The following ZNF599 variants were observed in gnomAD, a reference collection of about 807,000 sequenced individuals.
ZNF599 encodes zinc finger protein 599.
ZNF599 carries 10 observed loss-of-function variants against 11.7 expected under a neutral mutation model. The ratio of observed to expected loss-of-function variants is 0.86; its 90% confidence interval spans 0.53 to 1.45. The LOEUF is 1.45. Ranked by LOEUF, ZNF599 falls within the 40% of genes most tolerant of loss-of-function variation. ZNF599 has a pLI of 0.00. For synonymous variants in ZNF599, 232 were observed against 253.2 expected (o/e 0.92, Z 0.79); for missense variants, 688 against 713.6 (o/e 0.96, Z 0.41).
In ZNF599 at chr19:34,759,476, A is replaced by G. The variant is rs1376132493; in HGVS notation, c.1325T>C (p.Met442Thr). The G allele has an allele frequency of 2.5e-6, 4 of 1,613,960 alleles. No homozygotes were observed. The highest frequency in any genetic ancestry group is 2.2e-5 in the East Asian group (1 of 44,892). The change falls in exon 4 of 4, where the codon ATG (methionine) becomes ACG (threonine). Residue 442 changes from methionine to threonine, a missense_variant. Physicochemically the swap from Met to Thr is moderately conservative, Grantham distance 81. Coordinates refer to ENST00000329285, the MANE Select transcript of ZNF599 (RefSeq NM_001007248.3). ...FCDSSSLIQH[M>T]RIHTGEKPYE... ...AGGCTTCTCACCAGTGTGAATCCTC[A>G]TATGTTGAATTAAGGAAGAGCTGTC... is the stretch of plus-strand genomic sequence containing the variant.
chr19:34,789,069 C>A, the ZNF599 span, among the ~76,000 whole-genome samples: 1 of 152,098 alleles, frequency 6.6e-6, no homozygotes, highest in Non-Finnish European at 1.5e-5. Context: ...ATTTTGTATC[C>A]TTTGAGCAAC....
intron 2 of ZNF599, among the ~76,000 whole-genome samples, chr19:34,767,987 A>G (rs1264685543): frequency 6.6e-6 from 1 of 152,200 alleles, no homozygotes; most frequent in East Asian, 1.9e-4. Context: ...CTTCTTCCAC[A>G]TGCAGCCACA....
chr19:34,780,899 GTAA>G, the ZNF599 span, among the ~76,000 whole-genome samples: 3 of 152,176 alleles, frequency 2.0e-5, no homozygotes, highest in Admixed American at 6.5e-5. Context: ...GTTCATGCCT[GTAA>G]TCCCAGCACT....
At chr19:34,776,040 T>C (rs2069215942), upstream of ZNF599, among the ~76,000 whole-genome samples, 1 of 152,222 alleles carries the variant, frequency 6.6e-6, no homozygotes. Flanking sequence ...AGATGAAATA[T>C]ATATTTGAAA....
chr19:34,790,787 GT>G, the ZNF599 span, among the ~76,000 whole-genome samples: 2 of 151,938 alleles, frequency 1.3e-5, no homozygotes, highest in African/African-American at 4.8e-5. Flanking sequence ...TATATATGAG[GT>G]GATAGATTTA....
the ZNF599 span, among the ~76,000 whole-genome samples, chr19:34,787,749 C>T: frequency 4.6e-5 from 7 of 152,310 alleles, no homozygotes; most frequent in East Asian, 1.4e-3. Flanking sequence ...ACTTCAACAG[C>T]CCATTACTTG....
intron 3 of ZNF599, 135 bp downstream of exon 3, chr19:34,767,181 C>T (rs557881599): frequency 3.9e-5 from 25 of 632,936 alleles, no homozygotes; most frequent in East Asian, 3.6e-4. Flanking sequence ...AGTGGGAAGA[C>T]GGGGGACCAT....
intron 3 of ZNF599, among the ~76,000 whole-genome samples, chr19:34,761,597 A>G (rs2069114255): frequency 6.6e-6 from 1 of 152,224 alleles, no homozygotes; most frequent in Non-Finnish European, 1.5e-5. Context: ...CAAACGGTGA[A>G]AGGGAAAAAT....
At chr19:34,786,732 A>G in the ZNF599 span, among the ~76,000 whole-genome samples, 1 of 152,136 alleles carries the variant, frequency 6.6e-6, no homozygotes, top group Non-Finnish European at 1.5e-5. Flanking sequence ...TTCCTCCTAA[A>G]GGAGCCACAT....
the ZNF599 span, among the ~76,000 whole-genome samples, chr19:34,779,243 CTTTTTTTTTT>C: frequency 3.5e-5 from 2 of 57,318 alleles, no homozygotes; most frequent in African/African-American, 1.4e-4. Flanking sequence ...CCATGCCCAG[CTTTTTTTTTT>C]TTTTTTTTTT....
At chr19:34,762,870 T>C (rs545501358) in intron 3 of ZNF599, 3 of 152,370 alleles carry the variant, frequency 2.0e-5, no homozygotes, top group African/African-American at 7.2e-5. Flanking sequence ...GTAGATATGT[T>C]AAATATATTT....
chr19:34,776,774 T>C (rs1259352260), upstream of ZNF599, among the ~76,000 whole-genome samples: 1 of 152,202 alleles, frequency 6.6e-6, no homozygotes, highest in Non-Finnish European at 1.5e-5. Flanking sequence ...TGTGACTGCC[T>C]CTGCAGAGCA....
chr19:34,782,458 C>T, the ZNF599 span, among the ~76,000 whole-genome samples: 41 of 152,326 alleles, frequency 2.7e-4, no homozygotes, highest in African/African-American at 9.4e-4. Context: ...AGAATTGCCC[C>T]GGAACTGGAC....
At chr19:34,786,623 G>T in the ZNF599 span, among the ~76,000 whole-genome samples, 3 of 152,174 alleles carry the variant, frequency 2.0e-5, no homozygotes, top group Non-Finnish European at 4.4e-5. Flanking sequence ...TAATATAGTT[G>T]TGACCTGTAT....
At chr19:34,765,043 T>TA (rs34001569) in intron 3 of ZNF599, 42,180 of 142,820 alleles carry the variant, frequency 0.3, 6,330 homozygotes, top group Middle Eastern at 0.39. Context: ...GTAAGAGCAC[T>TA]AAAAAAAAAA....
At chr19:34,765,687 C>G (rs1279314138) in intron 3 of ZNF599, 4 of 702,682 alleles carry the variant, frequency 5.7e-6, no homozygotes, top group African/African-American at 1.7e-5. Context: ...TGTCAAAAAG[C>G]AAGAAAATCA....
At chr19:34,803,055 G>T in the ZNF599 span, among the ~76,000 whole-genome samples, 1 of 152,176 alleles carries the variant, frequency 6.6e-6, no homozygotes, top group Non-Finnish European at 1.5e-5. Context: ...GCTAGAGGAA[G>T]GGGGCAGAAC....
the ZNF599 span, among the ~76,000 whole-genome samples, chr19:34,801,408 A>G: frequency 2.0e-5 from 3 of 152,226 alleles, no homozygotes; most frequent in Admixed American, 1.3e-4. Context: ...CTGCACTAAT[A>G]AGGTCTTTCT....
intron 3 of ZNF599, among the ~76,000 whole-genome samples, chr19:34,760,948 G>A (rs1263535231): frequency 3.3e-5 from 5 of 152,184 alleles, no homozygotes; most frequent in Admixed American, 1.3e-4. Flanking sequence ...AGAGGGATCA[G>A]AGGATGTCTT....
Sources: allele counts gnomAD v4.1 joint callset (sites outside exome capture counted in the v4.1 genomes callset), GRCh38; gene constraint gnomAD v4.1.1; transcripts MANE v1.5; gene names NCBI Gene and HGNC (gene_info 2026-07-23, HGNC 2026-07-21).